The following PSG5 variants were observed in gnomAD, a reference collection of about 807,000 sequenced individuals.
PSG5 encodes pregnancy specific beta-1-glycoprotein 5, also known as pregnancy-specific beta-1-glycoprotein 5.
Under a neutral mutation model 37.7 loss-of-function variants are expected in PSG5, and 53 were observed. The ratio of observed to expected loss-of-function variants is 1.41; its 90% CI spans 1.13 to 1.77. The LOEUF (loss-of-function observed/expected upper bound fraction) is 1.77. Ranked by LOEUF, PSG5 falls within the 40% of genes most tolerant of loss-of-function variation. The pLI, the probability that PSG5 is intolerant of heterozygous loss-of-function variation, is 0.00. For missense variants in PSG5, 547 were observed against 405.2 expected (o/e 1.35, Z -3.00); for synonymous variants, 221 against 155.4 (o/e 1.42, Z -3.14).
chr19:43,178,903 C>G lies in PSG5; in HGVS notation c.431-2755G>C, dbSNP rs144300143. 696 of 1,612,932 alleles carry G rather than the reference C, an allele frequency of 4.3e-4. 15 individuals carry two copies. In the East Asian group the frequency reaches 0.015, roughly 35 times the overall value. On this transcript the variant is annotated intron_variant, in intron 2 of 5. Coordinates refer to ENST00000342951, the MANE Select transcript of PSG5 (RefSeq NM_002781.4). ...CGGAGGAGATTCAGGGTGACTGGGT[C>G]ACTGTGGCTGGCACTCACTGGGTTC...
intron 4 of PSG5, among the ~76,000 whole-genome samples, chr19:43,173,109 A>T (rs1968937375): frequency 6.6e-6 from 1 of 151,704 alleles, no homozygotes; most frequent in African/African-American, 2.4e-5. Context: ...GTGTTCCAAG[A>T]TCATTCAATG....
In PSG5 at chr19:43,176,192, G is replaced by T. The variant is rs1235897876; in HGVS notation, c.431-44C>A. ...GAAGATTGTCCTGTGTGGCACCTTT[G>T]ATTCCTCCACAGGCATCCTTCAATC... On this transcript the variant is annotated intron_variant, in intron 2 of 5. Coordinates refer to ENST00000342951, the MANE Select transcript of PSG5 (RefSeq NM_002781.4). 13 of 1,601,712 alleles carry T rather than the reference G, an allele frequency of 8.1e-6. 1 individual carries two copies. Among genetic ancestry groups the T allele is most frequent in the African/African-American group, 1.3e-5 (1 of 74,240 alleles).
intron 2 of PSG5, among the ~76,000 whole-genome samples, chr19:43,181,882 C>G (rs933249968): frequency 1.2e-4 from 18 of 151,702 alleles, no homozygotes; most frequent in African/African-American, 4.1e-4. Context: ...TAAGAAGTGA[C>G]AGGAGAATGT....
intron 4 of PSG5, chr19:43,171,495 C>G (rs544816249): frequency 1.7e-4 from 41 of 237,606 alleles, no homozygotes; most frequent in South Asian, 3.4e-4. Context: ...AACCCAAGCA[C>G]AGTGAATGAG....
rs1966941183 is a variant in PSG5, at chr19:43,186,352, G to A, written c.54C>T (p.Leu18=). Reference sequence around the variant, plus strand: ...AAGTTCTCTCCTCACCTGTGAGCAGGAGCCCCTTCCAGGTGATGTGCTGTG... The same window carrying A: ...AAGTTCTCTCCTCACCTGTGAGCAGAAGCCCCTTCCAGGTGATGTGCTGTG... ...PCTQHITWKG[L]LLTASLLNFW... The change falls in exon 1 of 6, where the codon CTC becomes CTT. Residue 18 remains leucine (L), a synonymous_variant. Transcript: ENST00000342951. 6.2e-7 allele frequency: 1 copy of A among 1,612,058 alleles called. No individual in the cohort carries two copies. Among genetic ancestry groups the A allele is most frequent in the Admixed American group, 1.7e-5 (1 of 59,874 alleles).
At chr19:43,184,675 T>A in intron 2 of PSG5, 107 bp downstream of exon 2, 1 of 1,570,790 alleles carries the variant, frequency 6.4e-7, no homozygotes, top group Non-Finnish European at 8.8e-7. Flanking sequence ...GCATGGGACA[T>A]AATGCAGAGA....
chr19:43,184,695 G>A, intron 2 of PSG5, 87 bp downstream of exon 2: 1 of 1,593,720 alleles, frequency 6.3e-7, no homozygotes, highest in South Asian at 1.1e-5. Context: ...AGGGACACAG[G>A]CACAGTGCAG....
chr19:43,181,940 A>G (rs547720231), intron 2 of PSG5, among the ~76,000 whole-genome samples: 2 of 151,760 alleles, frequency 1.3e-5, no homozygotes, highest in African/African-American at 4.8e-5. Context: ...AACAGTTGAA[A>G]TGAGTCCATG....
intron 2 of PSG5, 83 bp from the exon 3 acceptor site, chr19:43,176,231 C>G: frequency 1.3e-6 from 2 of 1,568,872 alleles, no homozygotes; most frequent in Non-Finnish European, 1.7e-6. Flanking sequence ...GTTGGCATCT[C>G]CCACCTGTCA....
At chr19:43,173,553 G>A (rs1374627450) in intron 4 of PSG5, among the ~76,000 whole-genome samples, 1 of 151,464 alleles carries the variant, frequency 6.6e-6, no homozygotes, top group Non-Finnish European at 1.5e-5. Flanking sequence ...GATTAAAATG[G>A]AGTTTTCTCC....
Position 43,186,459 on chromosome 19 carries a change from C to G in PSG5, c.-54G>C, listed in dbSNP as rs1966947048. 5 of 1,608,176 alleles carry G rather than the reference C, an allele frequency of 3.1e-6. No individual in the cohort carries two copies. The Admixed American group carries it at 8.4e-5, about 27-fold the overall frequency. On this transcript the variant is annotated 5_prime_UTR_variant, in exon 1 of 6. Transcript: ENST00000342951. Reference sequence around the variant, plus strand: ...TGGAGCTGAGCCTAGGATCCAGAAACTTCCTGAGCACGGCTGTAGGCTGTG... The same window carrying G: ...TGGAGCTGAGCCTAGGATCCAGAAAGTTCCTGAGCACGGCTGTAGGCTGTG...
Position 43,186,414 on chromosome 19 carries a change from C to CT in PSG5, c.-10_-9insA, listed in dbSNP as rs559297597. On this transcript the variant is annotated 5_prime_UTR_variant, in exon 1 of 6. Coordinates refer to ENST00000342951, the MANE Select transcript of PSG5 (RefSeq NM_002781.4). ...GCTGAGAGGGGCCCCATGGTCTCTG[C>CT]GCCTGCGTGTTCTCCTCTGTGGAGC... 5.3e-5 allele frequency: 86 copies of CT among 1,611,966 alleles called. 1 individual carries two copies. In the South Asian group the frequency reaches 5.7e-4, roughly 11 times the overall value.
Position 43,175,944 on chromosome 19 carries a change from G to C in PSG5, c.635C>G (p.Thr212Arg). 3.1e-6 allele frequency: 5 copies of C among 1,612,418 alleles called. No individual in the cohort carries two copies. Among genetic ancestry groups the C allele is most frequent in the Non-Finnish European group, 4.2e-6 (5 of 1,179,186 alleles). Reference protein sequence around the residue: ...LILPSVTRNETGPYECEIRDR... With the variant: ...LILPSVTRNERGPYECEIRDR... ...CCGTATTTCACATTCATAGGGTCCTGTTTCATTTCTCGTGACACTGGGTAG... is the reference window on the plus strand; with the variant it reads ...CCGTATTTCACATTCATAGGGTCCTCTTTCATTTCTCGTGACACTGGGTAG... Residue 212 changes from threonine (T) to arginine (R), a missense_variant, in exon 3 of 6, where the codon ACA becomes AGA. Thr to Arg is a moderately conservative substitution (Grantham distance 71). Transcript: ENST00000342951.
At chr19:43,178,828 A>T (rs1969066137) in intron 2 of PSG5, 1 of 1,608,998 alleles carries the variant, frequency 6.2e-7, no homozygotes, top group African/African-American at 1.4e-5. Context: ...GCCTCTGGCC[A>T]TGTGTATTTG....
In PSG5 at chr19:43,168,057, C is replaced by G. The variant is rs547622113; in HGVS notation, c.*187G>C. ...CCTGTTCATTAAAATTTTGAAAGTTCTTAGTCCAGTGGTATGATCTTGAAG... is the reference window on the plus strand; with the variant it reads ...CCTGTTCATTAAAATTTTGAAAGTTGTTAGTCCAGTGGTATGATCTTGAAG... On this transcript the variant is annotated 3_prime_UTR_variant, in exon 6 of 6. Coordinates refer to ENST00000342951, the MANE Select transcript of PSG5 (RefSeq NM_002781.4). 1 of 419,040 alleles carries G rather than the reference C, an allele frequency of 2.4e-6. No homozygotes were observed. The highest frequency in any genetic ancestry group is 4.4e-6 in the Non-Finnish European group (1 of 229,198). 26.0% of individuals were successfully genotyped at this position (419,040 alleles called of 1,614,324 possible). A position where few individuals can be genotyped will look rare whatever the true frequency, so the allele number is the denominator to read the frequency against.
chr19:43,178,466 G>A (rs1390826527), intron 2 of PSG5, among the ~76,000 whole-genome samples: 1 of 151,702 alleles, frequency 6.6e-6, no homozygotes, highest in Admixed American at 6.6e-5. Flanking sequence ...AATGGTGGGG[G>A]CATCCAGGCC....
chr19:43,167,905 G>C lies in PSG5; in HGVS notation c.*339C>G. Reference sequence around the variant, plus strand: ...AAGAAAAAAAGTTCATAAATCTGGAGAATAAAACATTCAAAGAATCAGCAC... The same window carrying C: ...AAGAAAAAAAGTTCATAAATCTGGACAATAAAACATTCAAAGAATCAGCAC... On this transcript the variant is annotated 3_prime_UTR_variant, in exon 6 of 6. Transcript: ENST00000342951. 2.7e-6 allele frequency: 1 copy of C among 375,070 alleles called. No individual in the cohort carries two copies. Among genetic ancestry groups the C allele is most frequent in the East Asian group, 3.9e-5 (1 of 25,590 alleles). The allele number at this position is 375,070 out of a possible 1,614,324, so 23.2% of individuals were successfully genotyped here.
chr19:43,186,038 G>A (rs1465064803), intron 1 of PSG5, among the ~76,000 whole-genome samples: 3 of 150,728 alleles, frequency 2.0e-5, no homozygotes, highest in Admixed American at 6.6e-5. Context: ...GTGCAGTGGT[G>A]CTATCTCGGC....
chr19:43,185,429 ACCCC>A lies in PSG5; in HGVS notation c.65-286_65-283del, dbSNP rs56339663. Among the ~76,000 whole-genome samples, 601 of 133,410 alleles carry A rather than the reference ACCCC, an allele frequency of 4.5e-3. 14 individuals are homozygous for A. The highest frequency in any genetic ancestry group is 0.016 in the African/African-American group (576 of 35,718). 87.5% of individuals were successfully genotyped at this position (133,410 alleles called of 152,430 possible). A position where few individuals can be genotyped will look rare whatever the true frequency, so the allele number is the denominator to read the frequency against. ...CCTCTTCCCCAGGGGTCCACACGGC[ACCCC>A]CCCCCCCCCACACTGCCCTCAGGTC... On this transcript the variant is annotated intron_variant, in intron 1 of 5. Transcript: ENST00000342951.
Sources: gnomAD v4.1 joint callset for allele counts (sites outside exome capture counted in the v4.1 genomes callset) on GRCh38, gnomAD v4.1.1 for gene constraint, MANE v1.5 for transcripts, NCBI Gene and HGNC (gene_info 2026-07-23, HGNC 2026-07-21) for gene names.